CDYL2: variants seen among roughly 807,000 people sequenced by gnomAD.
The protein encoded by CDYL2 is chromodomain Y like 2, also known as chromodomain Y-like protein 2.
A neutral mutation model predicts 49.4 loss-of-function variants in CDYL2; 23 were observed. That is an observed-to-expected ratio of 0.47 (90% CI 0.34 to 0.66). CDYL2 has a LOEUF of 0.66. CDYL2 is among the 30% of genes least tolerant of loss of function. CDYL2 has a pLI of 0.01. For synonymous variants in CDYL2, 360 were observed against 268.8 expected (o/e 1.34, Z -3.32); for missense variants, 678 against 656.4 (o/e 1.03, Z -0.36).
intron 2 of CDYL2, among the ~76,000 whole-genome samples, chr16:80,634,362 T>C (rs1234397930): frequency 2.6e-5 from 4 of 152,070 alleles, no homozygotes; most frequent in Non-Finnish European, 5.9e-5. Context: ...TAGATGAAGG[T>C]GGGAACTATC....
Position 80,603,903 on chromosome 16 carries a change from C to T in CDYL2, c.*485G>A, listed in dbSNP as rs1906209556. 6.4e-6 allele frequency: 1 copy of T among 156,912 alleles called. No homozygotes were observed. The highest frequency in any genetic ancestry group is 1.4e-5 in the Non-Finnish European group (1 of 70,536). The allele number at this position is 156,912 out of a possible 1,614,324, so 9.7% of individuals were successfully genotyped here. A position where few individuals can be genotyped will look rare whatever the true frequency, so the allele number is the denominator to read the frequency against. On this transcript the variant is annotated 3_prime_UTR_variant, in exon 7 of 7. Coordinates refer to ENST00000570137, the MANE Select transcript of CDYL2 (RefSeq NM_152342.4). ...ATTTGCGTCGGAAAGGAGACTGAGG[C>T]CAGGTGTGCACAATCATTTTGCTCA...
chr16:80,754,847 G>A (rs1906255215), intron 1 of CDYL2, among the ~76,000 whole-genome samples: 1 of 152,160 alleles, frequency 6.6e-6, no homozygotes, highest in Non-Finnish European at 1.5e-5. Flanking sequence ...AGGGCTCCCA[G>A]GGGAGCCTCC....
chr16:80,670,739 A>G (rs1909467536), intron 2 of CDYL2, among the ~76,000 whole-genome samples: 1 of 152,274 alleles, frequency 6.6e-6, no homozygotes, highest in South Asian at 2.1e-4. Flanking sequence ...TTTCTGGGAC[A>G]GGATGAAAGA....
intron 1 of CDYL2, among the ~76,000 whole-genome samples, chr16:80,740,539 G>T (rs145730732): frequency 4.4e-4 from 67 of 152,096 alleles, no homozygotes; most frequent in African/African-American, 1.5e-3. Context: ...CAATAAGGCA[G>T]GAAATAAAAA....
At chr16:80,622,836 G>A (rs536556541) in intron 3 of CDYL2, among the ~76,000 whole-genome samples, 71 of 152,280 alleles carry the variant, frequency 4.7e-4, no homozygotes, top group Non-Finnish European at 8.7e-4. Flanking sequence ...CATGCAGCCC[G>A]GCTATTCAGC....
At chr16:80,671,744 G>A (rs1026745797) in intron 2 of CDYL2, among the ~76,000 whole-genome samples, 5 of 152,180 alleles carry the variant, frequency 3.3e-5, no homozygotes, top group African/African-American at 9.7e-5. Flanking sequence ...ACACACGTCT[G>A]GCAAGGCAAT....
At chr16:80,650,794 A>T (rs1908549701) in intron 2 of CDYL2, among the ~76,000 whole-genome samples, 1 of 152,186 alleles carries the variant, frequency 6.6e-6, no homozygotes, top group Non-Finnish European at 1.5e-5. Flanking sequence ...AGCCATAAAA[A>T]AATGAAATCC....
At chr16:80,730,037 A>G (rs956783841) in intron 1 of CDYL2, among the ~76,000 whole-genome samples, 14 of 152,170 alleles carry the variant, frequency 9.2e-5, no homozygotes, top group African/African-American at 3.4e-4. Flanking sequence ...TCACAATTAA[A>G]AGAACTAGAA....
In CDYL2 at chr16:80,660,580, G is replaced by A. The variant is rs190147002; in HGVS notation, c.616+23958C>T. On this transcript the variant is annotated intron_variant, in intron 2 of 6. Coordinates refer to ENST00000570137, the MANE Select transcript of CDYL2 (RefSeq NM_152342.4). ...AGAGAGGGAACAGAGAACAAGAATGGGTAAAAATAAAATGCTACCTAAAAT... is the reference window on the plus strand; with the variant it reads ...AGAGAGGGAACAGAGAACAAGAATGAGTAAAAATAAAATGCTACCTAAAAT... Among the ~76,000 whole-genome samples, 562 of 151,790 alleles carry A rather than the reference G, an allele frequency of 3.7e-3. 5 individuals carry two copies. The highest frequency in any genetic ancestry group is 0.013 in the African/African-American group (536 of 41,378).
In CDYL2 at chr16:80,602,606, T is replaced by G. The variant is rs1906139712; in HGVS notation, c.*1782A>C. ...GAAAAGATAAAGGACCACAGAGAGT[T>G]AGAGAACTGTCACCAGAACTCTCTC... On this transcript the variant is annotated 3_prime_UTR_variant, in exon 7 of 7. Transcript: ENST00000570137. 6.6e-6 allele frequency: 1 copy of G among 151,954 alleles called. No homozygotes were observed. The highest frequency in any genetic ancestry group is 1.5e-5 in the Non-Finnish European group (1 of 68,030). 9.4% of individuals were successfully genotyped at this position (151,954 alleles called of 1,614,324 possible). A position where few individuals can be genotyped will look rare whatever the true frequency, so the allele number is the denominator to read the frequency against.
intron 1 of CDYL2, among the ~76,000 whole-genome samples, chr16:80,777,225 G>T (rs2142401190): frequency 6.6e-6 from 1 of 152,188 alleles, no homozygotes; most frequent in African/African-American, 2.4e-5. Context: ...GCACACAGAG[G>T]ACTAGAAAGA....
chr16:80,658,565 T>G (rs902860036), intron 2 of CDYL2, among the ~76,000 whole-genome samples: 4 of 152,156 alleles, frequency 2.6e-5, no homozygotes, highest in African/African-American at 7.2e-5. Context: ...AGAAATAGGA[T>G]TCTCTCTGTG....
chr16:80,735,297 A>ACAATGAGTC (rs1356738800), intron 1 of CDYL2, among the ~76,000 whole-genome samples: 2 of 152,256 alleles, frequency 1.3e-5, no homozygotes, highest in Non-Finnish European at 2.9e-5. Context: ...ACTCCATGTT[A>ACAATGAGTC]CAATGAGTCT....
At chr16:80,782,336 G>C (rs138751492) in intron 1 of CDYL2, among the ~76,000 whole-genome samples, 124 of 151,872 alleles carry the variant, frequency 8.2e-4, no homozygotes, top group Non-Finnish European at 1.6e-3. Flanking sequence ...TAAGGAGATT[G>C]AATCAGTAAT....
chr16:80,637,541 A>G (rs1384558655), intron 2 of CDYL2, among the ~76,000 whole-genome samples: 1 of 152,216 alleles, frequency 6.6e-6, no homozygotes, highest in Non-Finnish European at 1.5e-5. Context: ...AAAAAAGAAA[A>G]ACAATTACTC....
chr16:80,684,906 C>T lies in CDYL2; in HGVS notation c.248G>A (p.Gly83Asp). 3 of 1,614,190 alleles carry T rather than the reference C, an allele frequency of 1.9e-6. No individual in the cohort carries two copies. The highest frequency in any genetic ancestry group is 2.5e-6 in the Non-Finnish European group (3 of 1,180,024). Residue 83 changes from glycine (G) to aspartate (D), a missense_variant, in exon 2 of 7, where the codon GGC becomes GAC. Physicochemically the swap from Gly to Asp is moderately conservative, Grantham distance 94. Around this residue, in one of 3 missense-constraint regions of CDYL2, gnomAD observed 478 missense variants for 427.0 expected, o/e 1.12. Coordinates refer to ENST00000570137, the MANE Select transcript of CDYL2 (RefSeq NM_152342.4). ...STSKLLRDSR[G>D]PSVEKLSHRP... ...GTGGGACAGTTTCTCAACCGACGGG[C>T]CTCGACTGTCACGCAGCAGCTTGGA...
intron 1 of CDYL2, among the ~76,000 whole-genome samples, chr16:80,798,213 G>A (rs571555749): frequency 1.3e-5 from 2 of 152,130 alleles, no homozygotes; most frequent in African/African-American, 4.8e-5. Context: ...ATAATTTTCT[G>A]TATTCTTTTA....
At chr16:80,648,093 T>A (rs1908428465) in intron 2 of CDYL2, among the ~76,000 whole-genome samples, 2 of 151,318 alleles carry the variant, frequency 1.3e-5, no homozygotes, top group African/African-American at 2.4e-5. Flanking sequence ...TAACAATGCA[T>A]CTTAAAGAAC....
At chr16:80,669,803 CTGAG>C (rs1178302692) in intron 2 of CDYL2, among the ~76,000 whole-genome samples, 2 of 152,320 alleles carry the variant, frequency 1.3e-5, no homozygotes, top group East Asian at 1.9e-4. Context: ...CAAAAATGAG[CTGAG>C]TATTTCTGCA....
Sources: gnomAD v4.1 joint callset for allele counts (sites outside exome capture counted in the v4.1 genomes callset) on GRCh38, gnomAD v4.1.1 for gene constraint, gnomAD v4.1.1 regional missense constraint, MANE v1.5 for transcripts, NCBI Gene and HGNC (gene_info 2026-07-23, HGNC 2026-07-21) for gene names.